Variants in DTNB observed in about 807,000 individuals in gnomAD.
DTNB encodes the protein DTN-B.
In DTNB, 63 loss-of-function variants were observed where a neutral mutation model predicts 90.7. The ratio of observed to expected loss-of-function variants is 0.69; its 90% confidence interval spans 0.57 to 0.86. The LOEUF is 0.86. DTNB is among the 40% of genes least tolerant of loss of function. The pLI is 0.00. For synonymous variants in DTNB, 277 were observed against 286.7 expected, an observed-to-expected ratio of 0.97 and a Z score of 0.34; for missense variants, 744 against 807.1, an observed-to-expected ratio of 0.92 and a Z score of 0.95.
chr2:25,426,494 C>T (rs2149877780), intron 15 of DTNB: 1 of 152,360 alleles, frequency 6.6e-6, no homozygotes, highest in East Asian at 1.9e-4. Context: ...TCAATGCCCT[C>T]AGACATGTGA....
rs2042389085 is a variant in DTNB, at chr2:25,396,492, C to T, written c.1576-8131G>A. ...TGTCACTGCACTCCAGCCTAGGCAACAGAGCAAGACACTGTCTCAGGAGGA... is the reference window on the plus strand; with the variant it reads ...TGTCACTGCACTCCAGCCTAGGCAATAGAGCAAGACACTGTCTCAGGAGGA... On this transcript the variant is annotated intron_variant, in intron 16 of 20. Transcript: ENST00000406818. 2.0e-5 allele frequency among the ~76,000 whole-genome samples: 3 copies of T among 147,016 alleles called. No individual in the cohort carries two copies. In the South Asian group the frequency reaches 6.4e-4, roughly 32 times the overall value.
intron 20 of DTNB, among the ~76,000 whole-genome samples, chr2:25,378,588 G>A (rs1296300951): frequency 6.7e-6 from 1 of 149,638 alleles, no homozygotes; most frequent in Non-Finnish European, 1.5e-5. Context: ...GGGGTGGGAG[G>A]AGGGGAGGGA....
At chr2:25,413,712 C>T (rs2047184172) in intron 16 of DTNB, among the ~76,000 whole-genome samples, 1 of 152,122 alleles carries the variant, frequency 6.6e-6, no homozygotes, top group Non-Finnish European at 1.5e-5. Context: ...CAAGTCTTTG[C>T]TATTGTGAAT....
At chr2:25,649,984 T>C in intron 2 of DTNB, 2 of 978,844 alleles carry the variant, frequency 2.0e-6, no homozygotes, top group Non-Finnish European at 2.4e-6. Context: ...CAATTCTTCC[T>C]GTGAAGAAAT....
intron 20 of DTNB, among the ~76,000 whole-genome samples, chr2:25,378,978 G>C (rs1417116644): frequency 6.6e-6 from 1 of 152,200 alleles, no homozygotes; most frequent in Non-Finnish European, 1.5e-5. Context: ...CAGGGAGGTG[G>C]CCTTGCTCAG....
intron 12 of DTNB, among the ~76,000 whole-genome samples, chr2:25,438,434 T>C (rs1308115723): frequency 6.6e-6 from 1 of 152,206 alleles, no homozygotes; most frequent in Non-Finnish European, 1.5e-5. Context: ...ACAAGCTTGG[T>C]CTAGACCATA....
intron 16 of DTNB, among the ~76,000 whole-genome samples, chr2:25,392,031 C>T (rs1200822314): frequency 6.6e-6 from 1 of 151,998 alleles, no homozygotes; most frequent in African/African-American, 2.4e-5. Flanking sequence ...ACAATCCAAG[C>T]CCAAACCCAG....
chr2:25,670,152 A>C (rs1005606365), intron 1 of DTNB, among the ~76,000 whole-genome samples: 2 of 152,234 alleles, frequency 1.3e-5, no homozygotes, highest in Non-Finnish European at 2.9e-5. Context: ...CTGTGTTCCA[A>C]CATGAAAAAA....
At position 25,523,020 on chromosome 2, in the gene DTNB, A is replaced by G. The variant is rs183456473; in HGVS notation, c.1001+8453T>C. Among the ~76,000 whole-genome samples, 318 of 152,248 alleles carry G rather than the reference A, an allele frequency of 2.1e-3. 1 individual carries two copies. Among genetic ancestry groups the G allele is most frequent in the Non-Finnish European group, 3.6e-3 (246 of 68,000 alleles). On this transcript the variant is annotated intron_variant, in intron 9 of 20. Coordinates refer to ENST00000406818, the MANE Select transcript of DTNB (RefSeq NM_021907.5). ...CAGGCCTGGAGTCCACACATTTTCT[A>G]AAGAGTCAGACTTCGATTTGTACTA...
chr2:25,586,403 G>A lies in DTNB; in HGVS notation c.604-5577C>T, dbSNP rs551249528. On this transcript the variant is annotated intron_variant, in intron 6 of 20. Coordinates refer to ENST00000406818, the MANE Select transcript of DTNB (RefSeq NM_021907.5). The stretch of plus-strand genomic sequence containing the variant: ...TGGGCACCTGTAATCCCAGCTACTC[G>A]GGAGGCTGAGGCAGGAGAATTGCTT... Among the ~76,000 whole-genome samples, 261 of 151,806 alleles carry A rather than the reference G, an allele frequency of 1.7e-3. 1 individual carries two copies. The highest frequency in any genetic ancestry group is 5.7e-3 in the African/African-American group (236 of 41,382).
intron 13 of DTNB, 82 bp from the exon 14 acceptor site, chr2:25,433,081 T>G: frequency 7.5e-7 from 1 of 1,328,846 alleles, no homozygotes. Flanking sequence ...ACTTTTCAAC[T>G]CTAGCAGTGC....
chr2:25,517,766 G>C (rs969631065), intron 9 of DTNB, among the ~76,000 whole-genome samples: 4 of 152,162 alleles, frequency 2.6e-5, no homozygotes, highest in African/African-American at 9.7e-5. Flanking sequence ...AGAGGTGAAA[G>C]CCACCCAAAA....
chr2:25,432,810 C>A, intron 14 of DTNB, 76 bp downstream of exon 14: 1 of 1,414,372 alleles, frequency 7.1e-7, no homozygotes, highest in Non-Finnish European at 9.7e-7. Context: ...GATTCTACCC[C>A]ACTCCTTTGG....
intron 6 of DTNB, among the ~76,000 whole-genome samples, chr2:25,587,381 G>A (rs747811670): frequency 2.0e-5 from 3 of 152,140 alleles, no homozygotes; most frequent in African/African-American, 7.2e-5. Flanking sequence ...AGGGTCCTTC[G>A]TTTTTTGGGT....
rs186849205 is a variant in DTNB, at chr2:25,510,166, T to C, written c.1001+21307A>G. On this transcript the variant is annotated intron_variant, in intron 9 of 20. Transcript: ENST00000406818. ...TTTTGTCCTTCTGGAATTCCAATTA[T>C]CTGTAGGTTTATAATCTCTAAATCT... Among the ~76,000 whole-genome samples the C allele has an allele frequency of 4.2e-3, 632 of 152,272 alleles. 4 individuals carry two copies. Among genetic ancestry groups the C allele is most frequent in the African/African-American group, 0.014 (594 of 41,562 alleles).
chr2:25,647,730 A>G (rs1314434420), intron 2 of DTNB, among the ~76,000 whole-genome samples: 1 of 152,074 alleles, frequency 6.6e-6, no homozygotes, highest in South Asian at 2.1e-4. Flanking sequence ...CAATCAACCA[A>G]CCAACTGATC....
chr2:25,562,533 T>C (rs974542110), intron 8 of DTNB, among the ~76,000 whole-genome samples: 1 of 152,238 alleles, frequency 6.6e-6, no homozygotes, highest in Non-Finnish European at 1.5e-5. Context: ...TATACCATTT[T>C]ATATTCCCAC....
chr2:25,446,473 C>T (rs1437538390), intron 12 of DTNB, among the ~76,000 whole-genome samples: 1 of 152,034 alleles, frequency 6.6e-6, no homozygotes, highest in Non-Finnish European at 1.5e-5. Context: ...TGAGACTGGT[C>T]TTGAACTCCT....
chr2:25,593,427 A>T (rs1427354637), intron 6 of DTNB, among the ~76,000 whole-genome samples: 1 of 152,262 alleles, frequency 6.6e-6, no homozygotes, highest in Non-Finnish European at 1.5e-5. Flanking sequence ...CTCTTGCAGC[A>T]TGAAACTTTG....
Sources: allele counts gnomAD v4.1 joint callset (sites outside exome capture counted in the v4.1 genomes callset), GRCh38; gene constraint gnomAD v4.1.1; transcripts MANE v1.5; gene names NCBI Gene and HGNC (gene_info 2026-07-23, HGNC 2026-07-21).